IGSF21: variants seen among roughly 807,000 people sequenced by gnomAD.
IGSF21 encodes the protein immunoglobin superfamily member 21, also known as immunoglobulin superfamily member 21.
Under a neutral mutation model 46.8 loss-of-function variants are expected in IGSF21, and 28 were observed. The observed-to-expected ratio is 0.60, with a 90% CI of 0.44 to 0.82. The LOEUF (loss-of-function observed/expected upper bound fraction) is 0.82. Among genes scored for constraint, IGSF21 ranks in the 40% least tolerant of loss-of-function variants. The pLI is 0.00. For missense variants in IGSF21, 624 were observed against 665.5 expected, an observed-to-expected ratio of 0.94 and a Z score of 0.69; for synonymous variants, 284 against 273.6, an observed-to-expected ratio of 1.04 and a Z score of -0.38.
At chr1:18,174,346 G>A (rs2086773798) in intron 1 of IGSF21, among the ~76,000 whole-genome samples, 1 of 152,166 alleles carries the variant, frequency 6.6e-6, no homozygotes, top group Non-Finnish European at 1.5e-5. Flanking sequence ...CAGATGGGCA[G>A]TTCTTCTTTT....
At chr1:18,355,318 G>A (rs968870813) in intron 4 of IGSF21, among the ~76,000 whole-genome samples, 28 of 152,184 alleles carry the variant, frequency 1.8e-4, no homozygotes, top group African/African-American at 5.1e-4. Flanking sequence ...CATTGTCTCC[G>A]AAGTGAGTTA....
At chr1:18,249,416 T>C (rs1454568362) in intron 2 of IGSF21, among the ~76,000 whole-genome samples, 1 of 151,962 alleles carries the variant, frequency 6.6e-6, no homozygotes, top group Non-Finnish European at 1.5e-5. Context: ...CACCGCACAG[T>C]GAACAGATGG....
intron 2 of IGSF21, among the ~76,000 whole-genome samples, chr1:18,252,563 A>T (rs572410809): frequency 3.9e-5 from 6 of 152,254 alleles, no homozygotes; most frequent in Admixed American, 1.3e-4. Flanking sequence ...AAGTCAAGTG[A>T]TTTCCGGATT....
At chr1:18,276,529 G>A (rs1172800303) in intron 2 of IGSF21, among the ~76,000 whole-genome samples, 1 of 152,156 alleles carries the variant, frequency 6.6e-6, no homozygotes, top group East Asian at 1.9e-4. Context: ...CTCCAAACAT[G>A]TCTAGTTTCA....
chr1:18,365,555 C>A lies in IGSF21; in HGVS notation c.873C>A (p.Arg291=), dbSNP rs1454301601. The part of the protein sequence containing the change: ...AEPTYFLRHS[R]TPSSDGTVEV... ...CCACCTACTTCCTGCGCCACAGCCG[C>A]ACCCCGAGCAGTGACGGCACTGTGG... The change falls in exon 6 of 10, where the codon CGC becomes CGA. Residue 291 remains arginine (R), a synonymous_variant. Transcript: ENST00000251296. This position sits in a 1 kb window ranked among gnomAD's most constrained non-coding sequence, Gnocchi z 4.8. 6.2e-7 allele frequency: 1 copy of A among 1,614,164 alleles called. No individual in the cohort carries two copies. Among genetic ancestry groups the A allele is most frequent in the South Asian group, 1.1e-5 (1 of 91,076 alleles).
intron 4 of IGSF21, among the ~76,000 whole-genome samples, chr1:18,355,584 G>A (rs2086007264): frequency 6.6e-6 from 1 of 150,780 alleles, no homozygotes; most frequent in Admixed American, 6.6e-5. Context: ...GAAACTTCTA[G>A]CAGCAATTCT....
chr1:18,321,542 CG>C (rs2085601305), intron 3 of IGSF21, among the ~76,000 whole-genome samples: 1 of 152,070 alleles, frequency 6.6e-6, no homozygotes, highest in African/African-American at 2.4e-5. Context: ...CTCTGGAGAC[CG>C]GGAAGCCCAA....
chr1:18,350,055 C>A (rs980760333), intron 4 of IGSF21, among the ~76,000 whole-genome samples: 2 of 152,186 alleles, frequency 1.3e-5, no homozygotes, highest in Non-Finnish European at 2.9e-5. Flanking sequence ...ACTGCTGTGC[C>A]CAGTCCTGAG....
intron 1 of IGSF21, among the ~76,000 whole-genome samples, chr1:18,222,967 C>A (rs1206545653): frequency 6.6e-6 from 1 of 152,176 alleles, no homozygotes; most frequent in African/African-American, 2.4e-5. Context: ...CCTTGCCTGG[C>A]ACATCTGTTG....
intron 1 of IGSF21, among the ~76,000 whole-genome samples, chr1:18,151,589 T>C (rs908626560): frequency 2.0e-5 from 3 of 152,156 alleles, no homozygotes; most frequent in Non-Finnish European, 4.4e-5. Flanking sequence ...GCATGCCACA[T>C]ATAACAGGCG....
At chr1:18,155,603 A>T (rs2086561526) in intron 1 of IGSF21, among the ~76,000 whole-genome samples, 1 of 152,228 alleles carries the variant, frequency 6.6e-6, no homozygotes, top group Admixed American at 6.5e-5. Flanking sequence ...GTGCCCAAAA[A>T]GCTGGGGTGC....
chr1:18,348,228 C>T (rs1048098228), intron 4 of IGSF21, among the ~76,000 whole-genome samples: 1 of 152,214 alleles, frequency 6.6e-6, no homozygotes, highest in African/African-American at 2.4e-5. Context: ...AGCTTCTCTA[C>T]AGCCTCTCAA....
intron 9 of IGSF21, 38 bp downstream of exon 9, chr1:18,377,469 A>G: frequency 6.3e-7 from 1 of 1,575,762 alleles, no homozygotes; most frequent in Non-Finnish European, 8.7e-7. Flanking sequence ...CTTAAAAGGG[A>G]GTGGCTTTTG....
At chr1:18,325,678 C>T (rs1193744743) in intron 3 of IGSF21, among the ~76,000 whole-genome samples, 1 of 152,204 alleles carries the variant, frequency 6.6e-6, no homozygotes, top group Admixed American at 6.5e-5. Context: ...TTGTACATCC[C>T]AGAACCCCCC....
At chr1:18,353,084 G>A (rs2085974662) in intron 4 of IGSF21, among the ~76,000 whole-genome samples, 1 of 152,044 alleles carries the variant, frequency 6.6e-6, no homozygotes, top group Non-Finnish European at 1.5e-5. Context: ...TATAAGCACA[G>A]ACGCAGCGTT....
intron 1 of IGSF21, among the ~76,000 whole-genome samples, chr1:18,189,381 T>G (rs1053613823): frequency 2.4e-4 from 37 of 152,222 alleles, no homozygotes; most frequent in African/African-American, 8.9e-4. Flanking sequence ...CCAACCTTTT[T>G]GGCACCAGGA....
At chr1:18,273,483 TC>T (rs2085069715) in intron 2 of IGSF21, among the ~76,000 whole-genome samples, 1 of 68,166 alleles carries the variant, frequency 1.5e-5, no homozygotes, top group South Asian at 5.8e-4. Context: ...TTTCTTTCTT[TC>T]TTTCTTTCTT....
At chr1:18,135,838 C>A (rs1215423349) in intron 1 of IGSF21, among the ~76,000 whole-genome samples, 1 of 152,214 alleles carries the variant, frequency 6.6e-6, no homozygotes, top group Non-Finnish European at 1.5e-5. Context: ...AATCACCACA[C>A]CGACTTCCAC....
chr1:18,332,904 G>A (rs1022036505), intron 3 of IGSF21, among the ~76,000 whole-genome samples: 2 of 152,208 alleles, frequency 1.3e-5, no homozygotes, highest in Admixed American at 6.5e-5. Flanking sequence ...GGTGTGGGGG[G>A]ACAGTGAGTC....
Sources: gnomAD v4.1 joint callset for allele counts (sites outside exome capture counted in the v4.1 genomes callset) on GRCh38, gnomAD v4.1.1 for gene constraint, Gnocchi (gnomAD v3.1) non-coding constraint, MANE v1.5 for transcripts, NCBI Gene and HGNC (gene_info 2026-07-23, HGNC 2026-07-21) for gene names.